COL24A1: variants seen among roughly 807,000 people sequenced by gnomAD.
COL24A1 encodes collagen type XXIV alpha 1 chain, also known as collagen alpha-1(XXIV) chain.
In COL24A1, 224 loss-of-function variants were observed where a neutral mutation model predicts 253.9. The ratio of observed to expected loss-of-function variants is 0.88; its 90% CI spans 0.79 to 0.99. The LOEUF (loss-of-function observed/expected upper bound fraction) is 0.99. COL24A1 is among the 50% of genes least tolerant of loss of function. COL24A1 has a pLI of 0.00. For missense variants in COL24A1, 2,131 were observed against 2,068.5 expected (o/e 1.03, Z -0.59); for synonymous variants, 685 against 673.7 (o/e 1.02, Z -0.26).
chr1:86,118,066 C>CTTTT (rs35013223), intron 3 of COL24A1, among the ~76,000 whole-genome samples: 2 of 146,862 alleles, frequency 1.4e-5, no homozygotes, highest in Non-Finnish European at 1.5e-5. Context: ...GTCTAATTAA[C>CTTTT]TTTTTTTTTT....
intron 37 of COL24A1, among the ~76,000 whole-genome samples, chr1:85,858,229 C>T (rs1323886096): frequency 6.6e-6 from 1 of 151,896 alleles, no homozygotes; most frequent in African/African-American, 2.4e-5. Flanking sequence ...TTAATCATAC[C>T]CTTCTGCCTG....
chr1:85,764,249 G>A (rs1170225589), intron 53 of COL24A1, among the ~76,000 whole-genome samples: 1 of 152,050 alleles, frequency 6.6e-6, no homozygotes, highest in Non-Finnish European at 1.5e-5. Context: ...CTCCTAGGGT[G>A]GTAGGGGGAC....
At chr1:85,997,249 TAGGCAA>T (rs968274898) in intron 19 of COL24A1, among the ~76,000 whole-genome samples, 1 of 151,446 alleles carries the variant, frequency 6.6e-6, no homozygotes, top group African/African-American at 2.4e-5. Flanking sequence ...TGCACTATGT[TAGGCAA>T]AGGCACGTTT....
intron 5 of COL24A1, among the ~76,000 whole-genome samples, chr1:86,097,421 C>G (rs1187296706): frequency 6.7e-6 from 1 of 150,076 alleles, no homozygotes; most frequent in Non-Finnish European, 1.5e-5. Context: ...TTTTCTACTT[C>G]TCCTCCTCCT....
At chr1:86,014,909 A>G (rs1189938162) in intron 19 of COL24A1, among the ~76,000 whole-genome samples, 1 of 152,030 alleles carries the variant, frequency 6.6e-6, no homozygotes, top group East Asian at 1.9e-4. Flanking sequence ...GCTGCTTTGC[A>G]TAAAGCACAA....
chr1:86,023,280 T>C (rs1357276432), intron 14 of COL24A1, among the ~76,000 whole-genome samples: 1 of 152,196 alleles, frequency 6.6e-6, no homozygotes, highest in Non-Finnish European at 1.5e-5. Flanking sequence ...ATACTGTCCA[T>C]GACATTCATC....
chr1:85,853,632 T>C lies in COL24A1; in HGVS notation c.3301-4226A>G, dbSNP rs143572051. On this transcript the variant is annotated intron_variant, in intron 37 of 59. Coordinates refer to ENST00000370571, the MANE Select transcript of COL24A1 (RefSeq NM_152890.7). ...TTTTCTCTGCAACTTCACCAGCATG[T>C]TATTTTTTGACTTTTTAATAAAAGC... 8.5e-5 allele frequency among the ~76,000 whole-genome samples: 13 copies of C among 152,282 alleles called. No individual in the cohort carries two copies. The East Asian group carries it at 2.5e-3, about 29-fold the overall frequency.
intron 24 of COL24A1, among the ~76,000 whole-genome samples, chr1:85,937,719 A>G (rs1354635605): frequency 6.8e-6 from 1 of 147,594 alleles, no homozygotes. Flanking sequence ...TGCCAACAAC[A>G]GAGAACCATA....
chr1:85,794,363 T>C (rs925273312), intron 47 of COL24A1, among the ~76,000 whole-genome samples: 14 of 152,176 alleles, frequency 9.2e-5, no homozygotes, highest in Admixed American at 8.5e-4. Context: ...ATTCAGAAAC[T>C]ACTGACCACT....
rs150788834 is a variant in COL24A1, at chr1:85,984,638, C to T, written c.2364+2963G>A. 3.8e-3 allele frequency among the ~76,000 whole-genome samples: 571 copies of T among 151,728 alleles called. 4 individuals are homozygous for T. Among genetic ancestry groups the T allele is most frequent in the African/African-American group, 0.013 (544 of 41,474 alleles). On this transcript the variant is annotated intron_variant, in intron 20 of 59. Coordinates refer to ENST00000370571, the MANE Select transcript of COL24A1 (RefSeq NM_152890.7). ...AGGGCTAAAGTTGGCAGGAAAAATCCGCAACTCCATTCTCTACACTATTTG... is the reference window on the plus strand; with the variant it reads ...AGGGCTAAAGTTGGCAGGAAAAATCTGCAACTCCATTCTCTACACTATTTG...
At chr1:85,925,338 G>T (rs1437454770) in intron 24 of COL24A1, among the ~76,000 whole-genome samples, 1 of 152,028 alleles carries the variant, frequency 6.6e-6, no homozygotes, top group Non-Finnish European at 1.5e-5. Context: ...AGTTCATATG[G>T]AACCAAAAAA....
rs191875290 is a variant in COL24A1 at position 86,074,535 on chromosome 1, T to C, written c.1708-10776A>G. ...AGACTTTAACACCCCACTGTCAATATTAGACAGATCAATGAGACAGAAAAT... is the reference window on the plus strand; with the variant it reads ...AGACTTTAACACCCCACTGTCAATACTAGACAGATCAATGAGACAGAAAAT... On this transcript the variant is annotated intron_variant, in intron 7 of 59. Coordinates refer to ENST00000370571, the MANE Select transcript of COL24A1 (RefSeq NM_152890.7). Among the ~76,000 whole-genome samples the C allele has an allele frequency of 3.1e-4, 47 of 152,262 alleles. 1 individual carries two copies. Among genetic ancestry groups the C allele is most frequent in the Middle Eastern group, 3.4e-3 (1 of 294 alleles).
chr1:85,808,725 G>A (rs1416734508), intron 47 of COL24A1, among the ~76,000 whole-genome samples: 2 of 152,208 alleles, frequency 1.3e-5, no homozygotes, highest in Admixed American at 6.5e-5. Context: ...ATAAATGGGT[G>A]TAATCACCCA....
At chr1:86,097,068 T>A (rs977329236) in intron 5 of COL24A1, among the ~76,000 whole-genome samples, 2 of 152,204 alleles carry the variant, frequency 1.3e-5, no homozygotes, top group African/African-American at 4.8e-5. Flanking sequence ...ATTTTAACTT[T>A]TACTTCTCTT....
chr1:85,739,540 C>T (rs1003547713), intron 57 of COL24A1, among the ~76,000 whole-genome samples: 1 of 152,164 alleles, frequency 6.6e-6, no homozygotes, highest in African/African-American at 2.4e-5. Context: ...TACTTACAGA[C>T]CATTCTTTGC....
At chr1:86,149,601 A>G (rs1009595110) in intron 1 of COL24A1, among the ~76,000 whole-genome samples, 2 of 152,230 alleles carry the variant, frequency 1.3e-5, no homozygotes, top group Non-Finnish European at 2.9e-5. Flanking sequence ...AGATGCATAG[A>G]AACAACCCAA....
chr1:86,056,832 C>T (rs929214933), intron 10 of COL24A1, among the ~76,000 whole-genome samples: 1 of 143,932 alleles, frequency 6.9e-6, no homozygotes, highest in African/African-American at 2.6e-5. Context: ...CCAGCCTGGG[C>T]AACAGAGTAA....
intron 24 of COL24A1, among the ~76,000 whole-genome samples, chr1:85,938,531 G>A (rs1437534688): frequency 2.0e-5 from 3 of 146,466 alleles, no homozygotes; most frequent in Non-Finnish European, 4.5e-5. Flanking sequence ...AGTGCTAGGG[G>A]CTGTAATTTG....
intron 5 of COL24A1, among the ~76,000 whole-genome samples, chr1:86,097,363 C>T (rs987905451): frequency 8.1e-6 from 1 of 123,240 alleles, no homozygotes; most frequent in Admixed American, 8.0e-5. Flanking sequence ...TGTTGTTGTT[C>T]TTCTTCTCCT....
Sources: gnomAD v4.1 joint callset for allele counts (sites outside exome capture counted in the v4.1 genomes callset) on GRCh38, gnomAD v4.1.1 for gene constraint, MANE v1.5 for transcripts, NCBI Gene and HGNC (gene_info 2026-07-23, HGNC 2026-07-21) for gene names.